The following LLGL2 variants were observed in gnomAD, a reference collection of about 807,000 sequenced individuals.
LLGL2 encodes LLGL2, scribble cell polarity complex component.
LLGL2 carries 81 observed loss-of-function variants against 123.2 expected under a neutral mutation model. The observed-to-expected ratio is 0.66, with a 90% CI of 0.55 to 0.79. The LOEUF is 0.79. Among genes scored for constraint, LLGL2 ranks in the 30% least tolerant of loss-of-function variants. The pLI is 0.00. For missense variants in LLGL2, 1,273 were observed against 1,414.6 expected (o/e 0.90, Z 1.61); for synonymous variants, 577 against 594.1 (o/e 0.97, Z 0.42).
chr17:75,527,875 C>T (rs1223754172), intron 1 of LLGL2, among the ~76,000 whole-genome samples: 1 of 151,492 alleles, frequency 6.6e-6, no homozygotes, highest in Non-Finnish European at 1.5e-5. Flanking sequence ...GCAGACTCGA[C>T]CTCCCAGGCT....
At chr17:75,569,442 G>A (rs973974408) in intron 14 of LLGL2, 117 bp downstream of exon 14, 3 of 826,384 alleles carry the variant, frequency 3.6e-6, no homozygotes, top group Non-Finnish European at 5.9e-6. Context: ...CTTTTCCGGT[G>A]GATGGAGGTG....
At position 75,559,256 on chromosome 17, in the gene LLGL2, GC is replaced by G. The variant is rs1198259479; in HGVS notation, c.381del (p.Ser128ValfsTer78). The G allele has an allele frequency of 6.2e-7, 1 of 1,600,594 alleles. No individual in the cohort carries two copies. On this transcript the variant is annotated frameshift_variant, in exon 6 of 26. Coordinates refer to ENST00000392550, the MANE Select transcript of LLGL2 (RefSeq NM_001031803.2). LOFTEE classifies it high-confidence loss of function. This position sits in a 1 kb window ranked among gnomAD's most constrained non-coding sequence, Gnocchi z 4.6. Reference sequence around the variant, plus strand: ...GGGCAGCTGTTCTTGTCACAGGGCTGCCCCCAGTGCCACACAGATCACCGTG... The same window carrying G: ...GGGCAGCTGTTCTTGTCACAGGGCTGCCCCAGTGCCACACAGATCACCGTG... ...SFTLRGPPGA[A>X]PSATQITVVL...
intron 1 of LLGL2, among the ~76,000 whole-genome samples, 194 bp downstream of exon 1, chr17:75,526,019 G>A (rs532551619): frequency 6.6e-6 from 1 of 152,236 alleles, no homozygotes; most frequent in Admixed American, 6.5e-5. Context: ...AAAGTTCTGC[G>A]GGAAACTTCT....
intron 2 of LLGL2, among the ~76,000 whole-genome samples, chr17:75,547,546 G>A (rs1304444655): frequency 6.6e-6 from 1 of 152,248 alleles, no homozygotes; most frequent in East Asian, 1.9e-4. Flanking sequence ...GACGAGAGGC[G>A]GGGCGCAGTG....
At chr17:75,556,519 C>T (rs1041003357) in intron 3 of LLGL2, among the ~76,000 whole-genome samples, 1 of 152,144 alleles carries the variant, frequency 6.6e-6, no homozygotes, top group Non-Finnish European at 1.5e-5. Flanking sequence ...CCCCCAGTCC[C>T]GGGCAGGGGG....
In LLGL2 at chr17:75,563,421, G is replaced by A. The variant is rs1160573739; in HGVS notation, c.784G>A (p.Glu262Lys). The A allele has an allele frequency of 5.0e-6, 8 of 1,612,696 alleles. No homozygotes were observed. Among genetic ancestry groups the A allele is most frequent in the African/African-American group, 2.7e-5 (2 of 74,946 alleles). ...CTACTGCCAGTGGCCCGTGTCCAGC[G>A]AAGCCCAGCAACCAGAGCCCCTCCG... The part of the protein sequence containing the change: ...GSYCQWPVSS[E>K]AQQPEPLRSL... The change falls in exon 8 of 26, where the codon GAA (glutamate) becomes AAA (lysine). Residue 262 changes from glutamate (E) to lysine (K), a missense_variant. Coordinates refer to ENST00000392550, the MANE Select transcript of LLGL2 (RefSeq NM_001031803.2).
At chr17:75,531,737 C>T (rs2053795477) in intron 1 of LLGL2, among the ~76,000 whole-genome samples, 1 of 152,256 alleles carries the variant, frequency 6.6e-6, no homozygotes, top group African/African-American at 2.4e-5. Context: ...GAGACCCTCG[C>T]TCACTGTGCC....
intron 2 of LLGL2, among the ~76,000 whole-genome samples, chr17:75,547,107 C>T (rs1455755702): frequency 2.6e-5 from 4 of 152,188 alleles, no homozygotes; most frequent in Non-Finnish European, 4.4e-5. Context: ...TGTCCAACAC[C>T]TTTTGGCTCA....
intron 2 of LLGL2, among the ~76,000 whole-genome samples, chr17:75,550,780 C>CAAAAAAAAA (rs57482643): frequency 1.1e-5 from 1 of 94,698 alleles, no homozygotes; most frequent in African/African-American, 4.6e-5. Flanking sequence ...GACCCTGTCT[C>CAAAAAAAAA]AAAAAAAAAA....
intron 1 of LLGL2, among the ~76,000 whole-genome samples, chr17:75,537,946 C>T (rs2054068499): frequency 6.6e-6 from 1 of 151,796 alleles, no homozygotes; most frequent in South Asian, 2.1e-4. Context: ...GTAGTTGGGA[C>T]CACATGGTGC....
chr17:75,555,773 G>A (rs1381856760), intron 2 of LLGL2, among the ~76,000 whole-genome samples: 3 of 152,202 alleles, frequency 2.0e-5, no homozygotes, highest in East Asian at 1.9e-4. Context: ...TGGAGGCACC[G>A]AGTCAGTTCC....
chr17:75,562,612 AG>A (rs1346197911), intron 6 of LLGL2: 3 of 207,702 alleles, frequency 1.4e-5, no homozygotes, highest in Non-Finnish European at 3.0e-5. Flanking sequence ...TCTGTCACCC[AG>A]GCTGGAGTGC....
chr17:75,570,465 C>G lies in LLGL2; in HGVS notation c.1992C>G (p.Ser664Arg). The change falls in exon 16 of 26, where the codon AGC becomes AGG. Residue 664 changes from serine (S) to arginine (R), a missense_variant. By Grantham distance (110) the Ser-to-Arg change is moderately radical. Coordinates refer to ENST00000392550, the MANE Select transcript of LLGL2 (RefSeq NM_001031803.2). ...GGATGCGTCGGAGCCGGGTGTCCAG[C>G]CGGAAGCGGCACCCGGCTGGCCCCC... ...FRRMRRSRVS[S>R]RKRHPAGPPG... The G allele has an allele frequency of 1.9e-6, 3 of 1,588,956 alleles. No individual in the cohort carries two copies. The highest frequency in any genetic ancestry group is 2.6e-6 in the Non-Finnish European group (3 of 1,169,098).
intron 23 of LLGL2, 94 bp downstream of exon 23, chr17:75,574,354 G>A: frequency 6.5e-7 from 1 of 1,531,152 alleles, no homozygotes; most frequent in Non-Finnish European, 8.8e-7. Flanking sequence ...CCTGAGGCGG[G>A]GTACAGATCC....
chr17:75,544,867 G>A lies in LLGL2; in HGVS notation c.75+1366G>A, dbSNP rs1256380230. Among the ~76,000 whole-genome samples, 2 of 152,176 alleles carry A rather than the reference G, an allele frequency of 1.3e-5. No homozygotes were observed. Among genetic ancestry groups the A allele is most frequent in the Non-Finnish European group, 2.9e-5 (2 of 68,030 alleles). On this transcript the variant is annotated intron_variant, in intron 2 of 25. Coordinates refer to ENST00000392550, the MANE Select transcript of LLGL2 (RefSeq NM_001031803.2). This position sits in a 1 kb window ranked among gnomAD's most constrained non-coding sequence, Gnocchi z 4.2. ...AATTAGGGCTTTCCTATCCCAACGT[G>A]CCTCCTGCCAGCTCGCTTTTGGGCC...
Position 75,571,032 on chromosome 17 carries a change from G to A in LLGL2, c.2108G>A (p.Arg703His), listed in dbSNP as rs771755888. 37 of 1,612,892 alleles carry A rather than the reference G, an allele frequency of 2.3e-5. No individual in the cohort carries two copies. Among genetic ancestry groups the A allele is most frequent in the South Asian group, 3.3e-5 (3 of 91,088 alleles). Reference sequence around the variant, plus strand: ...CCTGTGCAGCGCAAGATCGAGGCTCGCTCGGCAGAGGACTCCTTCACAGGC... The same window carrying A: ...CCTGTGCAGCGCAAGATCGAGGCTCACTCGGCAGAGGACTCCTTCACAGGC... ...LAPVQRKIEA[R>H]SAEDSFTGFV... is the part of the protein sequence containing the mutation. Residue 703 changes from arginine (R) to histidine (H), a missense_variant, in exon 17 of 26, where the codon CGC (arginine) becomes CAC (histidine). Transcript: ENST00000392550.
chr17:75,536,493 C>G (rs7211130), intron 1 of LLGL2, among the ~76,000 whole-genome samples: 133,345 of 151,776 alleles, frequency 0.88, 59,232 homozygotes, highest in Middle Eastern at 0.95. Flanking sequence ...CTAACTATTC[C>G]GTGTCTCTAG....
In LLGL2 at chr17:75,539,377, T is replaced by G. The variant is rs559074977; in HGVS notation, c.-30-4020T>G. ...CAGCCCTCCTTTCTTTTCAAAATTT[T>G]TATTGTTCCATGTAAATTTGAAAAA... On this transcript the variant is annotated intron_variant, in intron 1 of 25. Coordinates refer to ENST00000392550, the MANE Select transcript of LLGL2 (RefSeq NM_001031803.2). Among the ~76,000 whole-genome samples the G allele has an allele frequency of 7.9e-5, 12 of 151,730 alleles. No individual in the cohort carries two copies. In the South Asian group the frequency reaches 2.5e-3, roughly 32 times the overall value.
At chr17:75,550,780 C>CAAAAAAA (rs57482643) in intron 2 of LLGL2, among the ~76,000 whole-genome samples, 1 of 94,676 alleles carries the variant, frequency 1.1e-5, no homozygotes, top group South Asian at 3.4e-4. Flanking sequence ...GACCCTGTCT[C>CAAAAAAA]AAAAAAAAAA....
Sources: gnomAD v4.1 joint callset for allele counts (sites outside exome capture counted in the v4.1 genomes callset) on GRCh38, gnomAD v4.1.1 for gene constraint, Gnocchi (gnomAD v3.1) non-coding constraint, MANE v1.5 for transcripts, NCBI Gene and HGNC (gene_info 2026-07-23, HGNC 2026-07-21) for gene names.